CA10: variants seen among roughly 807,000 people sequenced by gnomAD.
The protein encoded by CA10 is carbonic anhydrase 10 (inactive).
Under a neutral mutation model 44.2 loss-of-function variants are expected in CA10, and 14 were observed. The observed-to-expected ratio is 0.32, with a 90% CI of 0.21 to 0.50. CA10 has a LOEUF of 0.50. CA10 is among the 20% of genes least tolerant of loss of function. CA10 has a pLI of 0.99. For missense variants in CA10, 350 were observed against 409.7 expected, an observed-to-expected ratio of 0.85 and a Z score of 1.26; for synonymous variants, 159 against 141.6, an observed-to-expected ratio of 1.12 and a Z score of -0.87.
intron 1 of CA10, among the ~76,000 whole-genome samples, chr17:52,109,391 ATAGAG>A (rs1005906041): frequency 3.3e-5 from 5 of 152,316 alleles, no homozygotes; most frequent in Non-Finnish European, 7.3e-5. Flanking sequence ...AACCAAAGCA[ATAGAG>A]TAGAGAGAAG....
intron 1 of CA10, among the ~76,000 whole-genome samples, chr17:52,108,562 T>C (rs575561601): frequency 6.6e-6 from 1 of 150,664 alleles, no homozygotes; most frequent in Non-Finnish European, 1.5e-5. Flanking sequence ...TAGCTGGGCG[T>C]GGTGGTGTGT....
chr17:51,975,683 A>AAATG (rs891354444), intron 2 of CA10, among the ~76,000 whole-genome samples: 12 of 152,260 alleles, frequency 7.9e-5, no homozygotes, highest in African/African-American at 2.9e-4. Context: ...TCTCAAAAAC[A>AAATG]AATGAATGAA....
At chr17:51,862,754 T>C (rs1030292741) in intron 3 of CA10, among the ~76,000 whole-genome samples, 1 of 151,764 alleles carries the variant, frequency 6.6e-6, no homozygotes, top group Non-Finnish European at 1.5e-5. Context: ...CACATGGCCT[T>C]TTTTTTTCTC....
chr17:52,159,594 C>G (rs1989898471), upstream of CA10: 1 of 152,402 alleles, frequency 6.6e-6, no homozygotes. Context: ...GGAGATTTCC[C>G]CACCAAACCC....
At chr17:52,061,377 G>A (rs1987380803) in intron 2 of CA10, among the ~76,000 whole-genome samples, 1 of 152,172 alleles carries the variant, frequency 6.6e-6, no homozygotes, top group South Asian at 2.1e-4. Flanking sequence ...TCTCCTCAGA[G>A]CCTCCATAAT....
intron 3 of CA10, among the ~76,000 whole-genome samples, chr17:51,841,393 G>A (rs2143805185): frequency 6.6e-6 from 1 of 152,170 alleles, no homozygotes; most frequent in East Asian, 1.9e-4. Flanking sequence ...GTAAACCAGT[G>A]TGCAAAAGAG....
At chr17:51,909,297 G>C (rs1193367222) in intron 3 of CA10, among the ~76,000 whole-genome samples, 1 of 152,140 alleles carries the variant, frequency 6.6e-6, no homozygotes, top group Non-Finnish European at 1.5e-5. Flanking sequence ...TGAAGGGGGA[G>C]CTCAGAGTTC....
chr17:52,090,386 A>G (rs1162869228), intron 1 of CA10, among the ~76,000 whole-genome samples: 1 of 152,140 alleles, frequency 6.6e-6, no homozygotes, highest in Non-Finnish European at 1.5e-5. Flanking sequence ...ATAATAACTA[A>G]TATGATGAGG....
At chr17:52,038,812 A>T (rs921615537) in intron 2 of CA10, among the ~76,000 whole-genome samples, 20 of 152,162 alleles carry the variant, frequency 1.3e-4, no homozygotes, top group African/African-American at 4.6e-4. Flanking sequence ...TTTTTTGCTT[A>T]TCCTTTCCTT....
intron 3 of CA10, among the ~76,000 whole-genome samples, chr17:51,771,799 C>T (rs1055913856): frequency 6.6e-6 from 1 of 152,164 alleles, no homozygotes; most frequent in African/African-American, 2.4e-5. Flanking sequence ...ACCAGTGAGG[C>T]GAGGCTTGAC....
At chr17:51,875,662 T>C (rs1263713131) in intron 3 of CA10, among the ~76,000 whole-genome samples, 1 of 152,132 alleles carries the variant, frequency 6.6e-6, no homozygotes, top group Non-Finnish European at 1.5e-5. Flanking sequence ...CTTAAAAAGT[T>C]ATTTATATTA....
chr17:51,643,225 TAAG>T (rs138457084), intron 6 of CA10, among the ~76,000 whole-genome samples: 2,820 of 152,250 alleles, frequency 0.019, 201 homozygotes, highest in East Asian at 0.16. Flanking sequence ...GATAATAAAA[TAAG>T]AATACTACTT....
intron 1 of CA10, among the ~76,000 whole-genome samples, chr17:52,116,873 G>T (rs1006992970): frequency 3.3e-5 from 5 of 152,154 alleles, no homozygotes; most frequent in African/African-American, 1.2e-4. Flanking sequence ...TAATGAAAAA[G>T]GATATATGAG....
At chr17:51,653,774 C>A in intron 4 of CA10, 38 bp from the exon 5 acceptor site, 1 of 1,247,492 alleles carries the variant, frequency 8.0e-7, no homozygotes, top group Non-Finnish European at 1.2e-6. Context: ...AACAATAATC[C>A]AACATTAAAA....
chr17:51,975,573 G>T (rs953148759), intron 2 of CA10, among the ~76,000 whole-genome samples: 1 of 152,188 alleles, frequency 6.6e-6, no homozygotes, highest in Non-Finnish European at 1.5e-5. Context: ...CCAGCTACTC[G>T]AGAGGCTGAG....
intron 3 of CA10, among the ~76,000 whole-genome samples, chr17:51,784,910 C>T (rs1031838605): frequency 6.6e-6 from 1 of 152,128 alleles, no homozygotes; most frequent in Admixed American, 6.5e-5. Context: ...CCATCTGGAC[C>T]ACCCCGAAGT....
At chr17:52,016,330 G>C (rs1383418224) in intron 2 of CA10, among the ~76,000 whole-genome samples, 2 of 152,078 alleles carry the variant, frequency 1.3e-5, no homozygotes, top group African/African-American at 4.8e-5. Context: ...TTTTAAGGAA[G>C]GACCACACCC....
chr17:51,673,716 A>C (rs1914510594), intron 4 of CA10, among the ~76,000 whole-genome samples: 1 of 152,328 alleles, frequency 6.6e-6, no homozygotes, highest in East Asian at 1.9e-4. Context: ...CAGTCTCTCC[A>C]TAGCCATTGT....
intron 3 of CA10, among the ~76,000 whole-genome samples, chr17:51,808,487 A>C (rs1053434564): frequency 3.3e-5 from 5 of 152,186 alleles, no homozygotes; most frequent in Non-Finnish European, 5.9e-5. Context: ...GTACATCTGC[A>C]TCTCTGTTTC....
Sources: allele counts gnomAD v4.1 joint callset (sites outside exome capture counted in the v4.1 genomes callset), GRCh38; gene constraint gnomAD v4.1.1; transcripts MANE v1.5; gene names NCBI Gene and HGNC (gene_info 2026-07-23, HGNC 2026-07-21).